SAAL1: variants seen among roughly 807,000 people sequenced by gnomAD.
SAAL1 encodes serum amyloid A like 1.
Under a neutral mutation model 59.8 loss-of-function variants are expected in SAAL1, and 42 were observed. The ratio of observed to expected loss-of-function variants is 0.70; its 90% CI spans 0.55 to 0.91. The LOEUF is 0.91. Ranked by LOEUF, SAAL1 falls within the 40% of genes least tolerant of loss-of-function variation. The pLI is 0.00. For missense variants in SAAL1, 542 were observed against 561.1 expected, an observed-to-expected ratio of 0.97 and a Z score of 0.34; for synonymous variants, 191 against 194.3, an observed-to-expected ratio of 0.98 and a Z score of 0.14.
chr11:18,101,821 A>AC (rs1848637382), intron 2 of SAAL1, among the ~76,000 whole-genome samples: 1 of 49,638 alleles, frequency 2.0e-5, no homozygotes, highest in Non-Finnish European at 4.5e-5. Context: ...ATTCAGCAAT[A>AC]AAAAAAAAAA....
chr11:18,088,720 G>A (rs555552565), intron 7 of SAAL1, among the ~76,000 whole-genome samples: 94 of 152,306 alleles, frequency 6.2e-4, no homozygotes, highest in African/African-American at 2.2e-3. Flanking sequence ...TACTGAGATT[G>A]AGAATACTGA....
At chr11:18,100,259 C>T (rs1257626653) in intron 2 of SAAL1, among the ~76,000 whole-genome samples, 1 of 152,146 alleles carries the variant, frequency 6.6e-6, no homozygotes, top group Non-Finnish European at 1.5e-5. Flanking sequence ...CTTTTTAAGT[C>T]AACATGGTAA....
chr11:18,096,781 G>A lies in SAAL1; in HGVS notation c.323C>T (p.Pro108Leu). ...AATGTACATACTTACTCTTAATCGAGGACACTTGGACTTGGCCAGTACTCC... is the reference window on the plus strand; with the variant it reads ...AATGTACATACTTACTCTTAATCGAAGACACTTGGACTTGGCCAGTACTCC... ...FMGVLAKSKCPRLREICVGIL... is the reference protein window; with the variant it reads ...FMGVLAKSKCLRLREICVGIL... The change falls in exon 3 of 12, where the codon CCT becomes CTT. Residue 108 changes from proline (P) to leucine (L), a missense_variant. Physicochemically the swap from Pro to Leu is moderately conservative, Grantham distance 98. Coordinates refer to ENST00000524803, the MANE Select transcript of SAAL1 (RefSeq NM_138421.3). The A allele has an allele frequency of 6.5e-7, 1 of 1,539,646 alleles. No individual in the cohort carries two copies. Among genetic ancestry groups the A allele is most frequent in the South Asian group, 1.1e-5 (1 of 88,768 alleles).
At chr11:18,092,841 A>C (rs1378399962) in intron 3 of SAAL1, among the ~76,000 whole-genome samples, 1 of 152,158 alleles carries the variant, frequency 6.6e-6, no homozygotes, top group Non-Finnish European at 1.5e-5. Context: ...ATGCTCAAGG[A>C]GGGGAGACAA....
intron 1 of SAAL1, 95 bp from the exon 2 acceptor site, chr11:18,103,441 G>T: frequency 1.0e-6 from 1 of 958,670 alleles, no homozygotes; most frequent in Non-Finnish European, 1.7e-6. Flanking sequence ...ACATTTCCTC[G>T]TAACGCTGAT....
intron 2 of SAAL1, among the ~76,000 whole-genome samples, chr11:18,098,404 C>A (rs534212621): frequency 6.6e-6 from 1 of 152,166 alleles, no homozygotes; most frequent in Non-Finnish European, 1.5e-5. Flanking sequence ...CAAATCTCAC[C>A]TAGGAATGTA....
Position 18,090,491 on chromosome 11 carries a change from T to G in SAAL1, c.416A>C (p.Gln139Pro). Residue 139 changes from glutamine (Q) to proline (P), a missense_variant and splice_region_variant, in exon 5 of 12, where the codon CAG (glutamine) becomes CCG (proline). Physicochemically the swap from Gln to Pro is moderately conservative, Grantham distance 76. Coordinates refer to ENST00000524803, the MANE Select transcript of SAAL1 (RefSeq NM_138421.3). ...ATCATACAAACAGTGCAATAACACC[T>G]GCCTACAAAAACAAAGAAGTTAACC... Reference protein sequence around the residue: ...VSISSDKNLGQVLLHCLYDSD... With the variant: ...VSISSDKNLGPVLLHCLYDSD... 6.2e-7 allele frequency: 1 copy of G among 1,604,892 alleles called. No homozygotes were observed.
At chr11:18,084,797 G>A (rs1048643466) in intron 9 of SAAL1, among the ~76,000 whole-genome samples, 3 of 152,132 alleles carry the variant, frequency 2.0e-5, no homozygotes, top group African/African-American at 7.2e-5. Context: ...GCGGAGTATT[G>A]CTCTGCTGCC....
intron 3 of SAAL1, among the ~76,000 whole-genome samples, chr11:18,095,552 T>C (rs1848564569): frequency 6.6e-6 from 1 of 152,220 alleles, no homozygotes; most frequent in Non-Finnish European, 1.5e-5. Context: ...AAATCTCAGC[T>C]CCATTCTTTC....
chr11:18,096,877 A>G (rs749754999), intron 2 of SAAL1, 23 bp from the exon 3 acceptor site: 1 of 1,218,964 alleles, frequency 8.2e-7, no homozygotes, highest in South Asian at 1.3e-5. Context: ...ATGATTATTA[A>G]CTTGGATGTT....
rs909144223 is a variant in SAAL1, at chr11:18,103,483, C to T, written c.136-137G>A. 5 of 689,356 alleles carry T rather than the reference C, an allele frequency of 7.3e-6. No individual in the cohort carries two copies. In the Admixed American group the frequency reaches 8.8e-5, roughly 12 times the overall value. 42.7% of individuals were successfully genotyped at this position (689,356 alleles called of 1,614,324 possible). A position where few individuals can be genotyped will look rare whatever the true frequency, so the allele number is the denominator to read the frequency against. On this transcript the variant is annotated intron_variant, in intron 1 of 11. Transcript: ENST00000524803. ...AAAATTTGATTCCTGGCCAGGGCCACTGTCTGTGTGGAGTTTGCATGTTCT... is the reference window on the plus strand; with the variant it reads ...AAAATTTGATTCCTGGCCAGGGCCATTGTCTGTGTGGAGTTTGCATGTTCT...
At chr11:18,096,032 G>A (rs771655527) in intron 3 of SAAL1, among the ~76,000 whole-genome samples, 11 of 152,158 alleles carry the variant, frequency 7.2e-5, no homozygotes, top group Non-Finnish European at 1.5e-4. Context: ...AGAGAGTAGA[G>A]GTCTTAAGCA....
At chr11:18,090,615 A>C (rs1263025040) in intron 4 of SAAL1, 122 bp from the exon 5 acceptor site, 1 of 1,084,054 alleles carries the variant, frequency 9.2e-7, no homozygotes, top group Non-Finnish European at 1.3e-6. Flanking sequence ...AAAGCTCAAA[A>C]GATACAAATC....
intron 2 of SAAL1, among the ~76,000 whole-genome samples, chr11:18,099,946 C>G (rs1848618130): frequency 6.6e-6 from 1 of 152,152 alleles, no homozygotes; most frequent in African/African-American, 2.4e-5. Context: ...GTGGAGAGCT[C>G]AGTTCTGAGT....
rs1281797127 is a variant in SAAL1 at position 18,103,321 on chromosome 11, G to C, written c.161C>G (p.Ser54Cys). Residue 54 changes from serine to cysteine, a missense_variant, in exon 2 of 12, where the codon TCT becomes TGT. By Grantham distance (112) the Ser-to-Cys change is moderately radical. Transcript: ENST00000524803. Reference protein sequence around the residue: ...IQIVSPENTKSSSDDEEQLTE... With the variant: ...IQIVSPENTKCSSDDEEQLTE... ...CAGCTGCTCCTCATCATCTGAGCTA[G>C]ATTTGGTGTTTTCAGGGCTAACAAT... The C allele has an allele frequency of 6.2e-7, 1 of 1,613,796 alleles. No homozygotes were observed. The highest frequency in any genetic ancestry group is 8.5e-7 in the Non-Finnish European group (1 of 1,179,900).
chr11:18,082,876 C>T (rs544585918), intron 10 of SAAL1, among the ~76,000 whole-genome samples: 94 of 152,294 alleles, frequency 6.2e-4, no homozygotes, highest in African/African-American at 2.2e-3. Flanking sequence ...AAGTGATCCA[C>T]CTGCCTCAGC....
intron 2 of SAAL1, among the ~76,000 whole-genome samples, chr11:18,099,321 TCTATTCATTCA>T (rs1848608207): frequency 6.6e-6 from 1 of 152,218 alleles, no homozygotes; most frequent in African/African-American, 2.4e-5. Context: ...CAGGTATTCA[TCTATTCATTCA>T]TTACTCCCCA....
At chr11:18,088,764 C>T (rs1162729354) in intron 7 of SAAL1, among the ~76,000 whole-genome samples, 1 of 152,084 alleles carries the variant, frequency 6.6e-6, no homozygotes, top group Non-Finnish European at 1.5e-5. Context: ...ATGAATTTAT[C>T]CCTCACTTGG....
At chr11:18,100,562 T>C (rs184048101) in intron 2 of SAAL1, among the ~76,000 whole-genome samples, 7 of 152,314 alleles carry the variant, frequency 4.6e-5, no homozygotes, top group Admixed American at 4.6e-4. Context: ...AAACCCCATC[T>C]CTACAAAAAA....
Sources: allele counts gnomAD v4.1 joint callset (sites outside exome capture counted in the v4.1 genomes callset), GRCh38; gene constraint gnomAD v4.1.1; transcripts MANE v1.5; gene names NCBI Gene and HGNC (gene_info 2026-07-23, HGNC 2026-07-21).